Variants in CDH2 observed in about 807,000 individuals in gnomAD.
CDH2 encodes cadherin 2.
A neutral mutation model predicts 92.0 loss-of-function variants in CDH2; 17 were observed. That is an observed-to-expected ratio of 0.18 (90% confidence interval 0.13 to 0.28). The LOEUF is 0.28. Ranked by LOEUF, CDH2 falls within the 10% of genes least tolerant of loss-of-function variation. The pLI is 1.00. For synonymous variants in CDH2, 419 were observed against 415.9 expected (o/e 1.01, Z -0.09); for missense variants, 862 against 1,133.1 (o/e 0.76, Z 3.44).
chr18:28,132,751 T>C (rs1244874528), intron 2 of CDH2, among the ~76,000 whole-genome samples: 10 of 152,188 alleles, frequency 6.6e-5, no homozygotes, highest in Admixed American at 6.5e-4. Flanking sequence ...CCTATGCAAC[T>C]GATTTCACAC....
chr18:28,071,423 G>A (rs2014615715), intron 2 of CDH2, among the ~76,000 whole-genome samples: 1 of 152,028 alleles, frequency 6.6e-6, no homozygotes, highest in African/African-American at 2.4e-5. Context: ...GTGAATGCAG[G>A]CAGTAGAGAA....
At chr18:28,089,709 T>C (rs1443634504) in intron 2 of CDH2, among the ~76,000 whole-genome samples, 1 of 152,200 alleles carries the variant, frequency 6.6e-6, no homozygotes, top group Non-Finnish European at 1.5e-5. Context: ...CTGGTTTTCT[T>C]AAAACAAGAT....
At chr18:28,171,026 C>T (rs1346443685) in intron 1 of CDH2, among the ~76,000 whole-genome samples, 2 of 151,516 alleles carry the variant, frequency 1.3e-5, no homozygotes, top group Non-Finnish European at 2.9e-5. Flanking sequence ...GTCAGGAGTT[C>T]GAGTCGAGAC....
At chr18:27,944,816 G>A (rs1909229473) in intron 6 of CDH2, among the ~76,000 whole-genome samples, 1 of 150,888 alleles carries the variant, frequency 6.6e-6, no homozygotes, top group African/African-American at 2.4e-5. Flanking sequence ...AGGAGCCTGA[G>A]GTATGAGGAT....
At chr18:28,176,716 G>T (rs1304014657) in intron 1 of CDH2, among the ~76,000 whole-genome samples, 2 of 151,932 alleles carry the variant, frequency 1.3e-5, no homozygotes, top group Non-Finnish European at 2.9e-5. Flanking sequence ...GAGGGGACCC[G>T]CAATCCAGCC....
intron 2 of CDH2, among the ~76,000 whole-genome samples, chr18:28,065,235 G>A (rs1326908919): frequency 6.6e-6 from 1 of 152,094 alleles, no homozygotes; most frequent in East Asian, 1.9e-4. Context: ...ACATTTCATT[G>A]TTAAGAGATG....
chr18:27,969,872 T>C (rs1319867142), intron 14 of CDH2, among the ~76,000 whole-genome samples: 2 of 151,950 alleles, frequency 1.3e-5, no homozygotes, highest in Non-Finnish European at 2.9e-5. Context: ...AAAAATTAGG[T>C]GCCTGTAGTC....
At chr18:27,955,369 T>TAAAAAAAAAAAA (rs760993428) in intron 15 of CDH2, among the ~76,000 whole-genome samples, 1 of 30,948 alleles carries the variant, frequency 3.2e-5, no homozygotes, top group African/African-American at 1.0e-4. Flanking sequence ...AGTATAATAG[T>TAAAAAAAAAAAA]AAAAAAAAAA....
chr18:28,005,803 C>T (rs200952179), intron 6 of CDH2, 46 bp downstream of exon 6: 4 of 1,490,656 alleles, frequency 2.7e-6, no homozygotes, highest in South Asian at 1.3e-5. Flanking sequence ...GCTGGTTACA[C>T]CATACTTTCC....
At chr18:28,088,088 T>A (rs918368848) in intron 2 of CDH2, among the ~76,000 whole-genome samples, 3 of 152,174 alleles carry the variant, frequency 2.0e-5, no homozygotes, top group African/African-American at 7.2e-5. Flanking sequence ...AGACAGTAAG[T>A]CAGAGAAAAT....
intron 2 of CDH2, among the ~76,000 whole-genome samples, chr18:28,140,854 A>G (rs2015941086): frequency 6.7e-6 from 1 of 150,018 alleles, no homozygotes; most frequent in South Asian, 2.1e-4. Context: ...ACTCAATTTA[A>G]AAAGCTAACA....
At chr18:28,036,460 T>C (rs1177650028) in intron 2 of CDH2, 1 of 1,416,506 alleles carries the variant, frequency 7.1e-7, no homozygotes, top group Non-Finnish European at 1.0e-6. Context: ...AATAAGGCAA[T>C]TTTTGTTACC....
intron 7 of CDH2, among the ~76,000 whole-genome samples, chr18:27,997,610 G>A (rs886812679): frequency 6.6e-6 from 1 of 152,102 alleles, no homozygotes; most frequent in South Asian, 2.1e-4. Context: ...GGGACAGCAG[G>A]GCATGGGAAA....
At chr18:28,024,319 T>A (rs2013491388) in intron 2 of CDH2, among the ~76,000 whole-genome samples, 1 of 152,000 alleles carries the variant, frequency 6.6e-6, no homozygotes, top group Non-Finnish European at 1.5e-5. Context: ...GTTTTCAGCA[T>A]TTATTCTCAA....
chr18:28,049,570 C>A (rs2014148933), intron 2 of CDH2, among the ~76,000 whole-genome samples: 1 of 152,112 alleles, frequency 6.6e-6, no homozygotes, highest in South Asian at 2.1e-4. Context: ...CTTTATAATT[C>A]TTATATGTAT....
At chr18:27,945,922 T>C (rs929610611) in intron 6 of CDH2, among the ~76,000 whole-genome samples, 7 of 152,268 alleles carry the variant, frequency 4.6e-5, no homozygotes, top group Middle Eastern at 6.8e-3. Flanking sequence ...TTATTAACAA[T>C]GAAGAGATGG....
At chr18:28,001,731 A>C (rs2144005983) in intron 7 of CDH2, among the ~76,000 whole-genome samples, 1 of 152,380 alleles carries the variant, frequency 6.6e-6, no homozygotes, top group East Asian at 1.9e-4. Context: ...ACTCCTAAGT[A>C]AGGCTCTCAG....
intron 2 of CDH2, among the ~76,000 whole-genome samples, chr18:28,131,420 T>C (rs115987538): frequency 2.6e-3 from 393 of 152,296 alleles, no homozygotes; most frequent in African/African-American, 8.7e-3. Flanking sequence ...TGGGTTTTAA[T>C]TGACACCACC....
chr18:28,054,959 T>C (rs1274415917), intron 2 of CDH2, among the ~76,000 whole-genome samples: 1 of 152,168 alleles, frequency 6.6e-6, no homozygotes, highest in Non-Finnish European at 1.5e-5. Flanking sequence ...AAATCTCAAT[T>C]TGTAAGTGTG....
Sources: gnomAD v4.1 joint callset for allele counts (sites outside exome capture counted in the v4.1 genomes callset) on GRCh38, gnomAD v4.1.1 for gene constraint, MANE v1.5 for transcripts, NCBI Gene and HGNC (gene_info 2026-07-23, HGNC 2026-07-21) for gene names.